Variants in SLCO6A1 observed in about 807,000 individuals in gnomAD.
The protein encoded by SLCO6A1 is solute carrier organic anion transporter family member 6A1.
SLCO6A1 carries 65 observed loss-of-function variants against 72.7 expected under a neutral mutation model. That is an observed-to-expected ratio of 0.89 (90% CI 0.73 to 1.10). The LOEUF (loss-of-function observed/expected upper bound fraction) is 1.10, where lower values mean the gene tolerates loss of function less well. Ranked by LOEUF, SLCO6A1 falls within the 50% of genes least tolerant of loss-of-function variation. The pLI, the probability that SLCO6A1 is intolerant of heterozygous loss-of-function variation, is 0.00. For missense variants in SLCO6A1, 874 were observed against 872.6 expected (o/e 1.00, Z -0.02); for synonymous variants, 314 against 298.2 (o/e 1.05, Z -0.55).
intron 10 of SLCO6A1, among the ~76,000 whole-genome samples, chr5:102,392,922 G>T (rs745429532): frequency 1.3e-5 from 2 of 151,802 alleles, no homozygotes; most frequent in Non-Finnish European, 2.9e-5. Flanking sequence ...TTCCCCTAGA[G>T]CTCCCCGTTT....
intron 1 of SLCO6A1, among the ~76,000 whole-genome samples, chr5:102,492,850 C>T (rs1365836320): frequency 2.0e-5 from 3 of 152,188 alleles, no homozygotes; most frequent in Non-Finnish European, 2.9e-5. Flanking sequence ...GGGGTGCTCG[C>T]CATTGCTGAG....
chr5:102,480,370 G>A lies in SLCO6A1; in HGVS notation c.423C>T (p.Thr141=). The change falls in exon 2 of 14, where the codon ACC becomes ACT. Residue 141 remains threonine (T), a synonymous_variant. Coordinates refer to ENST00000506729, the MANE Select transcript of SLCO6A1 (RefSeq NM_173488.5). ...GDFQKEYQLK[T]IEKLALEKSY... Reference sequence around the variant, plus strand: ...TCTTTTCCAATGCCAACTTCTCAATGGTTTTCAGTTGATATTCCTTCTGAA... The same window carrying A: ...TCTTTTCCAATGCCAACTTCTCAATAGTTTTCAGTTGATATTCCTTCTGAA... 1 of 1,613,348 alleles carries A rather than the reference G, an allele frequency of 6.2e-7. No individual in the cohort carries two copies. Among genetic ancestry groups the A allele is most frequent in the Non-Finnish European group, 8.5e-7 (1 of 1,179,610 alleles).
intron 1 of SLCO6A1, among the ~76,000 whole-genome samples, chr5:102,485,133 C>T (rs1376944610): frequency 6.6e-6 from 1 of 152,066 alleles, no homozygotes; most frequent in African/African-American, 2.4e-5. Context: ...TGCCTGTAAT[C>T]CCAGCTATTT....
intron 6 of SLCO6A1, among the ~76,000 whole-genome samples, chr5:102,443,759 AG>A (rs1749964258): frequency 6.6e-6 from 1 of 152,232 alleles, no homozygotes; most frequent in Non-Finnish European, 1.5e-5. Context: ...CATTTTAAAA[AG>A]TCTATTTCTT....
chr5:102,394,764 A>G lies in SLCO6A1; in HGVS notation c.1815-3719T>C, dbSNP rs1241503613. Among the ~76,000 whole-genome samples, 3 of 152,260 alleles carry G rather than the reference A, an allele frequency of 2.0e-5. No homozygotes were observed. The East Asian group carries it at 5.8e-4, about 29-fold the overall frequency. On this transcript the variant is annotated intron_variant, in intron 10 of 13. Transcript: ENST00000506729. ...ACCTCCTGTGATGAAAGGATAAAATATAGAGATATACATTTATAGTTACTT... is the reference window on the plus strand; with the variant it reads ...ACCTCCTGTGATGAAAGGATAAAATGTAGAGATATACATTTATAGTTACTT...
Position 102,459,663 on chromosome 5 carries a change from A to G in SLCO6A1, c.1014T>C (p.Asn338=). ...ATTACATTTTATAGTCACCTGGCAT[A>G]TTGTTTGGAAAGCATGACAATGGTA... The part of the protein sequence containing the change: ...TLIPLSCFPN[N]MPGSTRIKAR... The change falls in exon 5 of 14, where the codon AAT becomes AAC. Residue 338 remains asparagine (N), a synonymous_variant. Transcript: ENST00000506729. The G allele has an allele frequency of 6.3e-7, 1 of 1,581,588 alleles. No individual in the cohort carries two copies. Among genetic ancestry groups the G allele is most frequent in the Non-Finnish European group, 8.5e-7 (1 of 1,170,702 alleles).
chr5:102,433,943 C>T (rs895065674), intron 7 of SLCO6A1, among the ~76,000 whole-genome samples: 1 of 152,020 alleles, frequency 6.6e-6, no homozygotes, highest in African/African-American at 2.4e-5. Context: ...GTTGCACAAG[C>T]TTCTCTTTTG....
intron 6 of SLCO6A1, among the ~76,000 whole-genome samples, chr5:102,440,524 GTAA>G (rs1369251665): frequency 1.1e-4 from 16 of 152,068 alleles, no homozygotes; most frequent in Non-Finnish European, 1.8e-4. Flanking sequence ...TGGTGAGTGT[GTAA>G]TAATAATAGA....
intron 7 of SLCO6A1, among the ~76,000 whole-genome samples, chr5:102,437,441 T>C (rs1580426190): frequency 6.6e-6 from 1 of 152,128 alleles, no homozygotes; most frequent in African/African-American, 2.4e-5. Context: ...AGGGAGTCAA[T>C]ACTGCATGTA....
Position 102,480,251 on chromosome 5 carries a change from A to G in SLCO6A1, c.542T>C (p.Ile181Thr), listed in dbSNP as rs368149393. ...VIWFVASSFL[I>T]GLGSLLCAFP... The stretch of plus-strand genomic sequence containing the variant: ...AGCACATAAAAGTGATCCAAGTCCT[A>G]TTAAAAAGGAGGAAGCTACAAACCA... Residue 181 changes from isoleucine to threonine, a missense_variant, in exon 2 of 14, where the codon ATA (isoleucine) becomes ACA (threonine). Ile to Thr is a moderately conservative substitution (Grantham distance 89, BLOSUM62 -1). Transcript: ENST00000506729. 6 of 1,612,970 alleles carry G rather than the reference A, an allele frequency of 3.7e-6. No homozygotes were observed. The African/African-American group carries it at 4.0e-5, about 11-fold the overall frequency.
intron 10 of SLCO6A1, among the ~76,000 whole-genome samples, chr5:102,392,532 G>A (rs1225196572): frequency 2.6e-5 from 4 of 151,948 alleles, no homozygotes; most frequent in African/African-American, 9.7e-5. Context: ...CAGTATTTAT[G>A]TATCTTCAGT....
chr5:102,488,154 T>C, intron 1 of SLCO6A1, among the ~76,000 whole-genome samples: 1 of 152,282 alleles, frequency 6.6e-6, no homozygotes, highest in East Asian at 1.9e-4. Context: ...AAGGGAAAAT[T>C]TTATAATGAT....
chr5:102,407,030 C>T (rs777239865), intron 9 of SLCO6A1, among the ~76,000 whole-genome samples: 3 of 152,036 alleles, frequency 2.0e-5, no homozygotes, highest in Non-Finnish European at 4.4e-5. Flanking sequence ...CTACATAATC[C>T]CTAGGACTGT....
intron 6 of SLCO6A1, among the ~76,000 whole-genome samples, chr5:102,456,608 C>T (rs1580459764): frequency 6.6e-6 from 1 of 152,104 alleles, no homozygotes; most frequent in Non-Finnish European, 1.5e-5. Context: ...AAAGAGGATA[C>T]AAACAAATGG....
At chr5:102,412,193 C>G (rs2112586015) in intron 9 of SLCO6A1, among the ~76,000 whole-genome samples, 1 of 152,094 alleles carries the variant, frequency 6.6e-6, no homozygotes, top group Non-Finnish European at 1.5e-5. Flanking sequence ...ATTGTCCCGC[C>G]TTTCTGGATC....
At chr5:102,459,389 A>C (rs560921048) in intron 5 of SLCO6A1, among the ~76,000 whole-genome samples, 5 of 152,298 alleles carry the variant, frequency 3.3e-5, no homozygotes, top group South Asian at 2.1e-4. Flanking sequence ...CACTGCACTC[A>C]GCCTGAGTGA....
chr5:102,484,761 A>T (rs1357819983), intron 1 of SLCO6A1, among the ~76,000 whole-genome samples: 1 of 152,250 alleles, frequency 6.6e-6, no homozygotes, highest in Non-Finnish European at 1.5e-5. Flanking sequence ...GTTATACATC[A>T]GAAATTTTTT....
rs770554401 is a variant in SLCO6A1 at position 102,373,337 on chromosome 5, A to G, written c.*15T>C. ...TAGATTGACAATGTGTAATTCTTAC[A>G]CAATGATGATCCAGTTACAAGTCAG... On this transcript the variant is annotated splice_region_variant and 3_prime_UTR_variant, in exon 13 of 14. Transcript: ENST00000506729. 2.6e-5 allele frequency: 40 copies of G among 1,533,562 alleles called. No individual in the cohort carries two copies. Among genetic ancestry groups the G allele is most frequent in the Non-Finnish European group, 3.2e-5 (37 of 1,146,298 alleles). 95.0% of individuals were successfully genotyped at this position (1,533,562 alleles called of 1,614,324 possible).
At chr5:102,469,987 GC>G (rs1267997805) in intron 4 of SLCO6A1, among the ~76,000 whole-genome samples, 1 of 152,160 alleles carries the variant, frequency 6.6e-6, no homozygotes, top group African/African-American at 2.4e-5. Flanking sequence ...TGTTGAACCA[GC>G]CTTGCATCCC....
Sources: gnomAD v4.1 joint callset for allele counts (sites outside exome capture counted in the v4.1 genomes callset) on GRCh38, gnomAD v4.1.1 for gene constraint, MANE v1.5 for transcripts, NCBI Gene and HGNC (gene_info 2026-07-23, HGNC 2026-07-21) for gene names.